WWP2: variants seen among roughly 807,000 people sequenced by gnomAD.
WWP2 encodes WW domain containing E3 ubiquitin protein ligase 2, also known as NEDD4-like E3 ubiquitin-protein ligase WWP2.
A neutral mutation model predicts 121.0 loss-of-function variants in WWP2; 57 were observed. That is an observed-to-expected ratio of 0.47 (90% CI 0.38 to 0.59). The LOEUF (loss-of-function observed/expected upper bound fraction) is 0.59. WWP2 is among the 20% of genes least tolerant of loss of function. The pLI is 0.00. For synonymous variants in WWP2, 449 were observed against 441.3 expected, an observed-to-expected ratio of 1.02 and a Z score of -0.22; for missense variants, 962 against 1,158.9, an observed-to-expected ratio of 0.83 and a Z score of 2.47.
intron 7 of WWP2, among the ~76,000 whole-genome samples, chr16:69,877,779 A>G (rs1472282804): frequency 6.6e-6 from 1 of 152,046 alleles, no homozygotes; most frequent in Non-Finnish European, 1.5e-5. Context: ...CAGAACACAC[A>G]CAATATTTAT....
At chr16:69,796,381 T>C (rs1157668372) in intron 2 of WWP2, among the ~76,000 whole-genome samples, 1 of 152,214 alleles carries the variant, frequency 6.6e-6, no homozygotes, top group Non-Finnish European at 1.5e-5. Context: ...TAGCCTAGCC[T>C]ACCTTAAATG....
intron 4 of WWP2, among the ~76,000 whole-genome samples, chr16:69,808,669 T>C (rs2056329056): frequency 6.6e-6 from 1 of 152,252 alleles, no homozygotes; most frequent in South Asian, 2.1e-4. Flanking sequence ...CCCAAAGTGT[T>C]GGGATTACAG....
intron 6 of WWP2, among the ~76,000 whole-genome samples, chr16:69,858,773 G>C (rs1532637): frequency 6.6e-6 from 1 of 152,216 alleles, no homozygotes; most frequent in Admixed American, 6.5e-5. Flanking sequence ...AACTCTGCCA[G>C]AAAAGAATGT....
intron 7 of WWP2, among the ~76,000 whole-genome samples, chr16:69,872,997 AT>A (rs1319774796): frequency 1.3e-5 from 2 of 152,186 alleles, no homozygotes; most frequent in Non-Finnish European, 2.9e-5. Flanking sequence ...GTTTGTCTTC[AT>A]TTCGGGCAGT....
At chr16:69,766,080 A>G (rs2038722492) in intron 1 of WWP2, among the ~76,000 whole-genome samples, 1 of 152,086 alleles carries the variant, frequency 6.6e-6, no homozygotes, top group Non-Finnish European at 1.5e-5. Context: ...GTGGATTCCT[A>G]TCAGGCATTT....
chr16:69,767,510 T>C (rs2038757711), intron 1 of WWP2, among the ~76,000 whole-genome samples: 1 of 152,184 alleles, frequency 6.6e-6, no homozygotes. Context: ...TTGAGTCCCT[T>C]AGGACTATTA....
rs577487626 is a variant in WWP2 at position 69,798,978 on chromosome 16, C to A, written c.218+149C>A. ...AGGTGACTCTTTTTAGGTGTTCCTACACCATTGAGCTCATAGAGCGTTCAT... is the reference window on the plus strand; with the variant it reads ...AGGTGACTCTTTTTAGGTGTTCCTAAACCATTGAGCTCATAGAGCGTTCAT... On this transcript the variant is annotated intron_variant, in intron 3 of 23. Transcript: ENST00000359154. 79 of 1,346,740 alleles carry A rather than the reference C, an allele frequency of 5.9e-5. No individual in the cohort carries two copies. The African/African-American group carries it at 1.1e-3, about 18-fold the overall frequency. 83.4% of individuals were successfully genotyped at this position (1,346,740 alleles called of 1,614,324 possible). A position where few individuals can be genotyped will look rare whatever the true frequency, so the allele number is the denominator to read the frequency against.
At chr16:69,762,705 A>G (rs925617044) in intron 1 of WWP2, among the ~76,000 whole-genome samples, 7 of 152,000 alleles carry the variant, frequency 4.6e-5, no homozygotes, top group Admixed American at 3.3e-4. Context: ...CATGGAGAGG[A>G]GCGATCTTTG....
At chr16:69,884,820 G>A (rs975639097) in intron 7 of WWP2, among the ~76,000 whole-genome samples, 1 of 152,150 alleles carries the variant, frequency 6.6e-6, no homozygotes, top group Non-Finnish European at 1.5e-5. Flanking sequence ...TTTACAAACT[G>A]AACCTCCAGG....
At position 69,877,152 on chromosome 16, in the gene WWP2, G is replaced by A. The variant is rs148321380; in HGVS notation, c.703+5221G>A. ...TCTTCTTGCAATAGAAGGCTCTTTC[G>A]TCAACATTGAAAAGCTGTTGTTTCG... On this transcript the variant is annotated intron_variant, in intron 7 of 23. Transcript: ENST00000359154. Among the ~76,000 whole-genome samples the A allele has an allele frequency of 2.6e-3, 403 of 152,258 alleles. 2 individuals carry two copies. The highest frequency in any genetic ancestry group is 9.3e-3 in the African/African-American group (387 of 41,552).
intron 10 of WWP2, among the ~76,000 whole-genome samples, chr16:69,919,379 C>T (rs974825575): frequency 3.3e-5 from 5 of 152,132 alleles, no homozygotes; most frequent in African/African-American, 4.8e-5. Context: ...GTTAGTCAGG[C>T]TGGTCTCGAA....
chr16:69,779,014 A>T (rs1032622975), intron 1 of WWP2, among the ~76,000 whole-genome samples: 1 of 150,242 alleles, frequency 6.7e-6, no homozygotes, highest in African/African-American at 2.5e-5. Flanking sequence ...CAATGGTGCA[A>T]TCTTGGCTCA....
chr16:69,787,325 C>CA (rs2055815022), intron 2 of WWP2, among the ~76,000 whole-genome samples: 1 of 152,206 alleles, frequency 6.6e-6, no homozygotes, highest in Non-Finnish European at 1.5e-5. Context: ...TGCAGTGGCT[C>CA]ACGCCTGTAA....
chr16:69,841,054 A>G (rs565530211), intron 5 of WWP2, among the ~76,000 whole-genome samples: 3 of 152,296 alleles, frequency 2.0e-5, no homozygotes, highest in East Asian at 3.9e-4. Flanking sequence ...GGAGAAAAAC[A>G]TGTGTCATTC....
chr16:69,816,476 T>C (rs562271259), intron 4 of WWP2, among the ~76,000 whole-genome samples: 1 of 148,180 alleles, frequency 6.7e-6, no homozygotes, highest in Admixed American at 6.8e-5. Context: ...ATATATATAC[T>C]TTATATATGT....
At chr16:69,889,360 G>A (rs1190800546) in intron 8 of WWP2, among the ~76,000 whole-genome samples, 1 of 152,142 alleles carries the variant, frequency 6.6e-6, no homozygotes, top group Non-Finnish European at 1.5e-5. Context: ...CAAAGACCTT[G>A]GATGATAAGA....
rs144843054 is a variant in WWP2 at position 69,937,584 on chromosome 16, G to A, written c.2275G>A (p.Asp759Asn). 240 of 1,613,788 alleles carry A rather than the reference G, an allele frequency of 1.5e-4. No individual in the cohort carries two copies. Among genetic ancestry groups the A allele is most frequent in the Non-Finnish European group, 1.7e-4 (195 of 1,180,016 alleles). ...CGGCATGCAGGAGATAGACATGAGC[G>A]ACTGGCAGAAGAGCACCATCTACCG... Reference protein sequence around the residue: ...LCGMQEIDMSDWQKSTIYRHY... With the variant: ...LCGMQEIDMSNWQKSTIYRHY... The change falls in exon 21 of 24, where the codon GAC (aspartate) becomes AAC (asparagine). Residue 759 changes from aspartate to asparagine, a missense_variant. By Grantham distance (23) the Asp-to-Asn change is conservative. Around this residue, in one of 3 missense-constraint regions of WWP2, gnomAD observed 606 missense variants for 772.6 expected, o/e 0.78. Transcript: ENST00000359154. The surrounding 1 kb of genome is among the most constrained non-coding windows in gnomAD (Gnocchi z 6.6).
intron 6 of WWP2, among the ~76,000 whole-genome samples, chr16:69,853,318 G>C (rs1267674935): frequency 6.6e-6 from 1 of 152,196 alleles, no homozygotes; most frequent in African/African-American, 2.4e-5. Context: ...CAGGCTTGCA[G>C]CTCCAGTTCA....
chr16:69,875,228 A>G (rs1032274454), intron 7 of WWP2, among the ~76,000 whole-genome samples: 8 of 152,234 alleles, frequency 5.3e-5, no homozygotes, highest in Non-Finnish European at 5.9e-5. Context: ...TAAAAGGTAC[A>G]ACAGCATTAT....
Sources: gnomAD v4.1 joint callset for allele counts (sites outside exome capture counted in the v4.1 genomes callset) on GRCh38, gnomAD v4.1.1 for gene constraint, gnomAD v4.1.1 regional missense constraint, Gnocchi (gnomAD v3.1) non-coding constraint, MANE v1.5 for transcripts, NCBI Gene and HGNC (gene_info 2026-07-23, HGNC 2026-07-21) for gene names.